Variants in LRRC40 observed in about 807,000 individuals in gnomAD.
The protein encoded by LRRC40 is leucine rich repeat containing 40.
In LRRC40, 76 loss-of-function variants were observed where a neutral mutation model predicts 72.8. The observed-to-expected ratio is 1.04, with a 90% CI of 0.87 to 1.26. The LOEUF is 1.26. Ranked by LOEUF, LRRC40 falls within the 50% of genes most tolerant of loss-of-function variation. The pLI, the probability that LRRC40 is intolerant of heterozygous loss-of-function variation, is 0.00. For missense variants in LRRC40, 684 were observed against 698.9 expected, an observed-to-expected ratio of 0.98 and a Z score of 0.24; for synonymous variants, 243 against 254.2, an observed-to-expected ratio of 0.96 and a Z score of 0.42.
At chr1:70,183,111 AG>A (rs1268611360) in intron 4 of LRRC40, among the ~76,000 whole-genome samples, 1 of 152,160 alleles carries the variant, frequency 6.6e-6, no homozygotes, top group East Asian at 1.9e-4. Flanking sequence ...AAGACACTGA[AG>A]GAATGGTTGA....
chr1:70,189,286 G>T lies in LRRC40; in HGVS notation c.152-13C>A. The T allele has an allele frequency of 8.8e-7, 1 of 1,136,604 alleles. No individual in the cohort carries two copies. Among genetic ancestry groups the T allele is most frequent in the African/African-American group, 1.9e-5 (1 of 53,278 alleles). 70.4% of individuals were successfully genotyped at this position (1,136,604 alleles called of 1,614,324 possible). A position where few individuals can be genotyped will look rare whatever the true frequency, so the allele number is the denominator to read the frequency against. ...ACACACTGCGGCACTAGTTCCATCA[G>T]CACCACACCAGGAAAAAAAAAAAAA... On this transcript the variant is annotated splice_polypyrimidine_tract_variant and intron_variant, in intron 1 of 14. Coordinates refer to ENST00000370952, the MANE Select transcript of LRRC40 (RefSeq NM_017768.5).
At chr1:70,191,550 A>C (rs1668500651) in intron 1 of LRRC40, among the ~76,000 whole-genome samples, 1 of 152,156 alleles carries the variant, frequency 6.6e-6, no homozygotes, top group Non-Finnish European at 1.5e-5. Context: ...ACTATTATTG[A>C]ACATGTATCA....
At chr1:70,196,426 A>G (rs1280319511) in intron 1 of LRRC40, among the ~76,000 whole-genome samples, 1 of 152,006 alleles carries the variant, frequency 6.6e-6, no homozygotes, top group Non-Finnish European at 1.5e-5. Context: ...GGCATACACC[A>G]TGAGTCCCAG....
intron 14 of LRRC40, 80 bp from the exon 15 acceptor site, chr1:70,145,985 A>C: frequency 1.5e-6 from 1 of 660,094 alleles, no homozygotes; most frequent in Non-Finnish European, 2.5e-6. Flanking sequence ...GCAATTTTAT[A>C]AATAAAATTT....
intron 1 of LRRC40, among the ~76,000 whole-genome samples, chr1:70,194,454 G>A (rs529657723): frequency 1.3e-3 from 192 of 152,156 alleles, no homozygotes; most frequent in African/African-American, 4.4e-3. Context: ...ATAAAGAAAT[G>A]TAACATAAGA....
intron 10 of LRRC40, among the ~76,000 whole-genome samples, chr1:70,156,351 A>C (rs1374693254): frequency 6.6e-6 from 1 of 152,128 alleles, no homozygotes; most frequent in East Asian, 1.9e-4. Flanking sequence ...GTATGTGACA[A>C]GGTAGACAGA....
At chr1:70,198,065 T>C (rs957247745) in intron 1 of LRRC40, among the ~76,000 whole-genome samples, 4 of 152,126 alleles carry the variant, frequency 2.6e-5, no homozygotes, top group Admixed American at 1.3e-4. Context: ...CCTGACCCCG[T>C]GTCACACTTT....
intron 10 of LRRC40, among the ~76,000 whole-genome samples, chr1:70,157,715 A>G (rs1010586107): frequency 6.6e-6 from 1 of 152,178 alleles, no homozygotes; most frequent in Non-Finnish European, 1.5e-5. Flanking sequence ...CTGTCTCATC[A>G]ATCAGTTTAT....
chr1:70,187,192 G>A, intron 3 of LRRC40, 73 bp downstream of exon 3: 1 of 717,110 alleles, frequency 1.4e-6, no homozygotes, highest in Non-Finnish European at 2.4e-6. Context: ...TTTTAATGTT[G>A]AGAAAATTTA....
At chr1:70,171,015 T>G (rs1667989305) in intron 9 of LRRC40, among the ~76,000 whole-genome samples, 1 of 152,080 alleles carries the variant, frequency 6.6e-6, no homozygotes, top group Admixed American at 6.6e-5. Context: ...GACATATAGA[T>G]CAACAGAATA....
At position 70,184,927 on chromosome 1, in the gene LRRC40, A is replaced by G; in HGVS notation, c.408-13T>C. Reference sequence around the variant, plus strand: ...CAGTTTATTATGGCTATTGGTTGATAAAATAAATGATGAATAATTTAGTGG... The same window carrying G: ...CAGTTTATTATGGCTATTGGTTGATGAAATAAATGATGAATAATTTAGTGG... On this transcript the variant is annotated splice_polypyrimidine_tract_variant and intron_variant, in intron 3 of 14. Coordinates refer to ENST00000370952, the MANE Select transcript of LRRC40 (RefSeq NM_017768.5). 1 of 1,568,202 alleles carries G rather than the reference A, an allele frequency of 6.4e-7. No homozygotes were observed. Among genetic ancestry groups the G allele is most frequent in the Non-Finnish European group, 8.7e-7 (1 of 1,150,786 alleles).
At chr1:70,161,047 A>G (rs1667747518) in intron 9 of LRRC40, among the ~76,000 whole-genome samples, 1 of 152,008 alleles carries the variant, frequency 6.6e-6, no homozygotes, top group Non-Finnish European at 1.5e-5. Context: ...ACACAGCCAA[A>G]TAAGAGGTCA....
Position 70,173,428 on chromosome 1 carries a change from T to TGG in LRRC40, c.1111+36_1111+37insCC, listed in dbSNP as rs562906083. 4.9e-3 allele frequency: 7,109 copies of TGG among 1,449,426 alleles called. 82 individuals carry two copies. Among genetic ancestry groups the TGG allele is most frequent in the South Asian group, 0.029 (2,460 of 85,352 alleles). 89.8% of individuals were successfully genotyped at this position (1,449,426 alleles called of 1,614,324 possible). On this transcript the variant is annotated intron_variant, in intron 9 of 14. Coordinates refer to ENST00000370952, the MANE Select transcript of LRRC40 (RefSeq NM_017768.5). ...ACTATTAATTCTTCACCACTTTTTA[T>TGG]GAATCCTTCAAAATATAAGAGAACA...
At chr1:70,177,629 T>G (rs546950635) in intron 6 of LRRC40, among the ~76,000 whole-genome samples, 1 of 152,182 alleles carries the variant, frequency 6.6e-6, no homozygotes, top group South Asian at 2.1e-4. Flanking sequence ...CAGAGAAAAG[T>G]CATGACATTA....
At chr1:70,172,530 C>T (rs1034356037) in intron 9 of LRRC40, among the ~76,000 whole-genome samples, 1 of 152,126 alleles carries the variant, frequency 6.6e-6, no homozygotes, top group Non-Finnish European at 1.5e-5. Context: ...GTAACTTCCA[C>T]TAAGTTCATC....
At chr1:70,195,003 TATAAA>T (rs760533085) in intron 1 of LRRC40, among the ~76,000 whole-genome samples, 3 of 152,244 alleles carry the variant, frequency 2.0e-5, no homozygotes, top group South Asian at 4.1e-4. Context: ...CTGGAATAAC[TATAAA>T]ATAAACTATA....
chr1:70,181,583 C>T (rs1291494183), intron 4 of LRRC40, among the ~76,000 whole-genome samples: 1 of 150,728 alleles, frequency 6.6e-6, no homozygotes, highest in African/African-American at 2.4e-5. Flanking sequence ...AAGAATTAGG[C>T]ATATTATTAA....
chr1:70,202,494 A>G (rs1668770009), intron 1 of LRRC40, among the ~76,000 whole-genome samples: 1 of 152,226 alleles, frequency 6.6e-6, no homozygotes, highest in Admixed American at 6.5e-5. Flanking sequence ...AACTATAGAA[A>G]CAGGAAAAAG....
intron 4 of LRRC40, among the ~76,000 whole-genome samples, chr1:70,183,524 T>C (rs898422708): frequency 6.6e-6 from 1 of 152,080 alleles, no homozygotes; most frequent in Non-Finnish European, 1.5e-5. Flanking sequence ...GTCTCTTTCT[T>C]TCTTCCTTTC....
Sources: gnomAD v4.1 joint callset for allele counts (sites outside exome capture counted in the v4.1 genomes callset) on GRCh38, gnomAD v4.1.1 for gene constraint, MANE v1.5 for transcripts, NCBI Gene and HGNC (gene_info 2026-07-23, HGNC 2026-07-21) for gene names.